Variants in TNRC6B observed in about 807,000 individuals in gnomAD.
The protein encoded by TNRC6B is trinucleotide repeat containing adaptor 6B.
TNRC6B carries 52 observed loss-of-function variants against 203.6 expected under a neutral mutation model. The observed-to-expected ratio is 0.26, with a 90% CI of 0.20 to 0.32. The LOEUF (loss-of-function observed/expected upper bound fraction) is 0.32, where lower values mean the gene tolerates loss of function less well. Ranked by LOEUF, TNRC6B falls within the 10% of genes least tolerant of loss-of-function variation. The pLI, the probability that TNRC6B is intolerant of heterozygous loss-of-function variation, is 1.00. For synonymous variants in TNRC6B, 838 were observed against 845.7 expected, an observed-to-expected ratio of 0.99 and a Z score of 0.16; for missense variants, 1,923 against 2,286.2, an observed-to-expected ratio of 0.84 and a Z score of 3.24.
At chr22:40,116,392 A>G (rs767430197) in intron 1 of TNRC6B, among the ~76,000 whole-genome samples, 2 of 152,200 alleles carry the variant, frequency 1.3e-5, no homozygotes, top group African/African-American at 4.8e-5. Context: ...ATATATTCCT[A>G]TATCTCTGTA....
chr22:40,225,531 C>T (rs2069771192), intron 1 of TNRC6B, among the ~76,000 whole-genome samples: 1 of 152,074 alleles, frequency 6.6e-6, no homozygotes, highest in African/African-American at 2.4e-5. Context: ...GAGTTCACGA[C>T]CAGGCTAGCC....
At chr22:40,208,925 T>C (rs1487585341) in intron 1 of TNRC6B, among the ~76,000 whole-genome samples, 2 of 152,304 alleles carry the variant, frequency 1.3e-5, no homozygotes, top group African/African-American at 2.4e-5. Context: ...GACATTGGCA[T>C]TGAGAGGCGT....
chr22:40,101,582 C>A (rs1394962145), intron 1 of TNRC6B, among the ~76,000 whole-genome samples: 2 of 152,018 alleles, frequency 1.3e-5, no homozygotes, highest in Non-Finnish European at 2.9e-5. Context: ...TTTATAGCCT[C>A]CTGACTCAAA....
intron 5 of TNRC6B, among the ~76,000 whole-genome samples, chr22:40,267,678 A>C (rs1427458895): frequency 6.6e-6 from 1 of 152,194 alleles, no homozygotes; most frequent in Non-Finnish European, 1.5e-5. Flanking sequence ...CAGCCTGGGC[A>C]ACCTAGAGAG....
chr22:40,277,788 T>G (rs1049861681), intron 8 of TNRC6B, among the ~76,000 whole-genome samples: 1 of 152,224 alleles, frequency 6.6e-6, no homozygotes, highest in African/African-American at 2.4e-5. Flanking sequence ...TGAGACTAAT[T>G]GTATGTGAAA....
chr22:40,191,814 G>T (rs1420055085), intron 1 of TNRC6B, among the ~76,000 whole-genome samples: 1 of 152,146 alleles, frequency 6.6e-6, no homozygotes, highest in Non-Finnish European at 1.5e-5. Context: ...GCAGTGGCAC[G>T]ATCTCAGCTC....
At chr22:40,170,809 GTACATATA>G (rs2068980947) in intron 4 of TNRC6B, among the ~76,000 whole-genome samples, 1 of 35,450 alleles carries the variant, frequency 2.8e-5, no homozygotes, top group Non-Finnish European at 4.6e-5. Flanking sequence ...ATACATATAT[GTACATATA>G]TGTGTGTGTA....
chr22:40,231,010 A>G (rs1004349283), intron 1 of TNRC6B, among the ~76,000 whole-genome samples: 21 of 152,028 alleles, frequency 1.4e-4, no homozygotes, highest in Admixed American at 1.3e-3. Context: ...TCTCAGCTAA[A>G]TTACCTTTGC....
intron 1 of TNRC6B, among the ~76,000 whole-genome samples, chr22:40,072,653 CAGG>C (rs1436404357): frequency 1.3e-5 from 2 of 152,044 alleles, no homozygotes; most frequent in African/African-American, 4.8e-5. Context: ...CACCTGAGGT[CAGG>C]AGTTTGAGAC....
At chr22:40,316,107 C>T in intron 21 of TNRC6B, 95 bp downstream of exon 21, 4 of 1,189,166 alleles carry the variant, frequency 3.4e-6, no homozygotes, top group Non-Finnish European at 4.9e-6. Flanking sequence ...GTAATCCAAG[C>T]ACTTTGGGAG....
intron 1 of TNRC6B, among the ~76,000 whole-genome samples, chr22:40,219,456 TTTGA>T (rs1328737739): frequency 6.6e-6 from 1 of 152,122 alleles, no homozygotes. Context: ...GTGGAAGTTC[TTTGA>T]TTGCAGCCCA....
chr22:40,322,115 C>T (rs150672549), intron 22 of TNRC6B, among the ~76,000 whole-genome samples: 6 of 152,248 alleles, frequency 3.9e-5, no homozygotes, highest in Admixed American at 2.6e-4. Flanking sequence ...CAGGTTGCTT[C>T]GATGCTTTGG....
chr22:40,315,188 A>G, intron 19 of TNRC6B, 95 bp from the exon 20 acceptor site: 2 of 885,304 alleles, frequency 2.3e-6, no homozygotes, highest in Non-Finnish European at 3.6e-6. Context: ...ATAAATGTGC[A>G]TGTATTTATG....
chr22:40,176,587 T>G (rs2069063808), upstream of TNRC6B, among the ~76,000 whole-genome samples: 1 of 152,130 alleles, frequency 6.6e-6, no homozygotes, highest in Admixed American at 6.5e-5. Context: ...CTGAATAGGG[T>G]CCAAGTCATT....
Position 40,164,661 on chromosome 22 carries a change from C to T in TNRC6B, c.113+8479C>T, listed in dbSNP as rs536643089. 9.5e-4 allele frequency among the ~76,000 whole-genome samples: 139 copies of T among 146,284 alleles called. 1 individual carries two copies. The highest frequency in any genetic ancestry group is 3.4e-3 in the African/African-American group (136 of 39,608). ...GCCTGTAATCCAAGCTACTAGGAGG[C>T]TGAGGCAGGAGAATCGCTTGAACCT... On this transcript the variant is annotated intron_variant, in intron 4 of 23. Transcript: ENST00000301923.
At chr22:40,047,900 G>C (rs1052650065) in intron 1 of TNRC6B, among the ~76,000 whole-genome samples, 1 of 152,180 alleles carries the variant, frequency 6.6e-6, no homozygotes, top group Non-Finnish European at 1.5e-5. Context: ...ACTGACATTT[G>C]ATTCTAAGGA....
chr22:40,251,889 T>G (rs2070201015), intron 3 of TNRC6B, among the ~76,000 whole-genome samples: 1 of 152,232 alleles, frequency 6.6e-6, no homozygotes, highest in African/African-American at 2.4e-5. Context: ...AATGGAATAT[T>G]GCACCTAGGA....
chr22:40,159,424 G>GGTCAGGAGA (rs1258135830), intron 4 of TNRC6B, among the ~76,000 whole-genome samples: 1 of 150,428 alleles, frequency 6.6e-6, no homozygotes, highest in Admixed American at 6.7e-5. Flanking sequence ...CAGATCACGA[G>GGTCAGGAGA]GTCAGGAGAT....
chr22:40,230,726 CAGA>C (rs1569030454), intron 1 of TNRC6B, among the ~76,000 whole-genome samples: 1 of 152,112 alleles, frequency 6.6e-6, no homozygotes, highest in East Asian at 1.9e-4. Context: ...TTTTGAAGAG[CAGA>C]AGTTTTTAAC....
Sources: allele counts gnomAD v4.1 joint callset (sites outside exome capture counted in the v4.1 genomes callset), GRCh38; gene constraint gnomAD v4.1.1; transcripts MANE v1.5; gene names NCBI Gene and HGNC (gene_info 2026-07-23, HGNC 2026-07-21).